Variants in DPP6 observed in about 807,000 individuals in gnomAD.
The protein encoded by DPP6 is dipeptidyl peptidase like 6, also known as A-type potassium channel modulatory protein DPP6.
DPP6 carries 69 observed loss-of-function variants against 122.6 expected under a neutral mutation model. That is an observed-to-expected ratio of 0.56 (90% confidence interval 0.46 to 0.69). The LOEUF (loss-of-function observed/expected upper bound fraction) is 0.69, where lower values mean the gene tolerates loss of function less well. Among genes scored for constraint, DPP6 ranks in the 30% least tolerant of loss-of-function variants. The pLI, the probability that DPP6 is intolerant of heterozygous loss-of-function variation, is 0.00. For missense variants in DPP6, 928 were observed against 1,116.9 expected (o/e 0.83, Z 2.41); for synonymous variants, 418 against 433.1 (o/e 0.97, Z 0.43).
At chr7:154,558,002 G>T (rs1328794631) in intron 4 of DPP6, among the ~76,000 whole-genome samples, 1 of 151,908 alleles carries the variant, frequency 6.6e-6, no homozygotes, top group East Asian at 1.9e-4. Flanking sequence ...GAATGTGTAG[G>T]TTTGTTACGT....
At chr7:154,129,929 A>G (rs1036599305) in intron 1 of DPP6, among the ~76,000 whole-genome samples, 1 of 151,320 alleles carries the variant, frequency 6.6e-6, no homozygotes, top group Non-Finnish European at 1.5e-5. Flanking sequence ...GAAAAAAATT[A>G]GCTGGGCATG....
At chr7:153,786,449 T>C in the DPP6 span, among the ~76,000 whole-genome samples, 1 of 151,280 alleles carries the variant, frequency 6.6e-6, no homozygotes, top group Non-Finnish European at 1.5e-5. Flanking sequence ...ATTAAAATGG[T>C]ATACTACTGG....
intron 5 of DPP6, among the ~76,000 whole-genome samples, chr7:154,582,460 C>T (rs369930055): frequency 3.3e-5 from 5 of 152,254 alleles, no homozygotes; most frequent in South Asian, 4.1e-4. Flanking sequence ...AACTAGAGAA[C>T]GGGAAGCTGA....
chr7:154,622,898 A>G (rs1170357139), intron 5 of DPP6, among the ~76,000 whole-genome samples: 2 of 152,200 alleles, frequency 1.3e-5, no homozygotes, highest in African/African-American at 4.8e-5. Context: ...GTCTTACCCA[A>G]GAAGGGATTT....
At chr7:154,381,299 G>A (rs1813583052) in intron 1 of DPP6, among the ~76,000 whole-genome samples, 1 of 152,192 alleles carries the variant, frequency 6.6e-6, no homozygotes. Flanking sequence ...ACTCCGTTGT[G>A]TACAAAGCAT....
intron 16 of DPP6, among the ~76,000 whole-genome samples, chr7:154,847,057 C>T (rs980114187): frequency 1.3e-5 from 2 of 152,176 alleles, no homozygotes; most frequent in Non-Finnish European, 2.9e-5. Flanking sequence ...CTTCTGCCTG[C>T]CTTCTTGTGC....
At chr7:153,974,583 A>C (rs1425874808) in intron 1 of DPP6, among the ~76,000 whole-genome samples, 1 of 152,142 alleles carries the variant, frequency 6.6e-6, no homozygotes, top group African/African-American at 2.4e-5. Flanking sequence ...CAGTTAACTT[A>C]AGCGAGAAAA....
At chr7:154,500,088 G>A (rs560811213) in intron 3 of DPP6, among the ~76,000 whole-genome samples, 75 of 152,254 alleles carry the variant, frequency 4.9e-4, no homozygotes, top group East Asian at 1.4e-3. Flanking sequence ...CTCAGTTCCC[G>A]TGGGTTTTAT....
In DPP6 at chr7:153,962,179, T is replaced by A. The variant is rs373457086; in HGVS notation, c.51+74445T>A. Among the ~76,000 whole-genome samples, 20 of 152,082 alleles carry A rather than the reference T, an allele frequency of 1.3e-4. No individual in the cohort carries two copies. The South Asian group carries it at 4.2e-3, about 32-fold the overall frequency. ...AAGAGCCTGAATGGATGACTAGCTCTCCAAAAGTAAAGCACTGGAAGGGAA... is the reference window on the plus strand; with the variant it reads ...AAGAGCCTGAATGGATGACTAGCTCACCAAAAGTAAAGCACTGGAAGGGAA... On this transcript the variant is annotated intron_variant, in intron 1 of 25. Coordinates refer to the DPP6 transcript ENST00000404039.
intron 1 of DPP6, among the ~76,000 whole-genome samples, chr7:154,372,140 G>C (rs1454363054): frequency 6.6e-6 from 1 of 152,086 alleles, no homozygotes; most frequent in African/African-American, 2.4e-5. Context: ...AGCCCCAGTG[G>C]AGGTTGCTGC....
intron 2 of DPP6, among the ~76,000 whole-genome samples, chr7:154,468,006 G>A (rs1821939107): frequency 6.6e-6 from 1 of 152,104 alleles, no homozygotes; most frequent in Admixed American, 6.6e-5. Flanking sequence ...CTTAATTTCA[G>A]CATTTTTTAT....
At chr7:153,883,907 C>T (rs756059403), upstream of DPP6, among the ~76,000 whole-genome samples, 10 of 152,170 alleles carry the variant, frequency 6.6e-5, no homozygotes, top group Non-Finnish European at 1.3e-4. Flanking sequence ...CAGAACACAG[C>T]GCCTCTAACA....
intron 1 of DPP6, among the ~76,000 whole-genome samples, chr7:154,327,896 T>C (rs530894592): frequency 6.6e-6 from 1 of 152,320 alleles, no homozygotes; most frequent in East Asian, 1.9e-4. Flanking sequence ...GGCTATTACA[T>C]TTCTGTTCTG....
chr7:154,198,075 A>G (rs1798960689), intron 1 of DPP6, among the ~76,000 whole-genome samples: 1 of 152,206 alleles, frequency 6.6e-6, no homozygotes, highest in South Asian at 2.1e-4. Context: ...AGTATGGCCC[A>G]GATGGCTGTA....
intron 1 of DPP6, among the ~76,000 whole-genome samples, chr7:154,264,977 A>ATAATGATAGTGATAG (rs1397017926): frequency 2.4e-4 from 7 of 29,694 alleles, no homozygotes; most frequent in Non-Finnish European, 4.7e-4. Flanking sequence ...GATGGTGTTG[A>ATAATGATAGTGATAG]TGATGATGGT....
chr7:153,806,363 T>G, the DPP6 span, among the ~76,000 whole-genome samples: 2 of 151,964 alleles, frequency 1.3e-5, no homozygotes, highest in Non-Finnish European at 1.5e-5. Flanking sequence ...ACTCCTGTAA[T>G]TAATGTATAA....
At chr7:154,819,422 TA>T (rs1563246812) in intron 16 of DPP6, among the ~76,000 whole-genome samples, 6 of 150,876 alleles carry the variant, frequency 4.0e-5, no homozygotes, top group African/African-American at 1.5e-4. Flanking sequence ...TCTCAATAAA[TA>T]AATAAATTAA....
chr7:154,091,972 G>C (rs62485650), intron 1 of DPP6, among the ~76,000 whole-genome samples: 12,691 of 152,122 alleles, frequency 0.083, 529 homozygotes, highest in Middle Eastern at 0.14. Context: ...GCTGACCCTT[G>C]GTGGTTCTCA....
At chr7:154,314,782 G>A (rs1247579699) in intron 1 of DPP6, among the ~76,000 whole-genome samples, 1 of 152,038 alleles carries the variant, frequency 6.6e-6, no homozygotes, top group Non-Finnish European at 1.5e-5. Flanking sequence ...GCAATCCTGA[G>A]TGAAACGTGG....
Sources: allele counts gnomAD v4.1 joint callset (sites outside exome capture counted in the v4.1 genomes callset), GRCh38; gene constraint gnomAD v4.1.1; transcripts MANE v1.5; gene names NCBI Gene and HGNC (gene_info 2026-07-23, HGNC 2026-07-21).